FRMPD4: variants seen among roughly 807,000 people sequenced by gnomAD.
The protein encoded by FRMPD4 is FERM and PDZ domain-containing protein 4.
A neutral mutation model predicts 94.1 loss-of-function variants in FRMPD4; 22 were observed. That is an observed-to-expected ratio of 0.23 (90% CI 0.17 to 0.33). FRMPD4 has a LOEUF of 0.33. Among genes scored for constraint, FRMPD4 ranks in the 10% least tolerant of loss-of-function variants. The pLI is 1.00. For synonymous variants in FRMPD4, 631 were observed against 548.6 expected (o/e 1.15, Z -2.10); for missense variants, 1,111 against 1,339.9 (o/e 0.83, Z 2.67).
At chrX:12,281,863 TC>T (rs1379201861) in intron 1 of FRMPD4, among the ~76,000 whole-genome samples, 1 of 111,035 alleles carries the variant, frequency 9.0e-6, no homozygotes, top group African/African-American at 3.3e-5. Context: ...TCAGAGATGA[TC>T]AGTAACATTC....
At chrX:12,333,294 T>C (rs146406462) in intron 1 of FRMPD4, among the ~76,000 whole-genome samples, 2,205 of 109,475 alleles carry the variant, frequency 0.02, 26 homozygotes, top group Non-Finnish European at 0.034. Context: ...CTAAGCCACA[T>C]TGAGGATTTT....
At chrX:11,923,145 T>C (rs1431459708) in intron 3 of FRMPD4, among the ~76,000 whole-genome samples, 1 of 113,104 alleles carries the variant, frequency 8.8e-6, no homozygotes, top group African/African-American at 3.2e-5. Context: ...CTGGCATGTG[T>C]CTGCATGGGC....
intron 2 of FRMPD4, among the ~76,000 whole-genome samples, chrX:12,545,967 C>G (rs934312848): frequency 8.9e-6 from 1 of 112,268 alleles, no homozygotes; most frequent in African/African-American, 3.2e-5. Flanking sequence ...AATTGTTTCA[C>G]TTAAAACCAC....
chrX:12,227,214 G>A (rs900739771), intron 1 of FRMPD4, among the ~76,000 whole-genome samples: 10 of 111,514 alleles, frequency 9.0e-5, no homozygotes, highest in African/African-American at 2.9e-4. Context: ...GGTGATTCTG[G>A]AGGTTATGGC....
rs758818110 is a variant in FRMPD4 at position 12,387,800 on chromosome X, C to T, written c.42-110880C>T. ...AATCCTAAAATACTTTCTACCCCTT[C>T]TCTCCCCTTCCATTCTTTCTCAGGC... On this transcript the variant is annotated intron_variant, in intron 1 of 16. Transcript: ENST00000675598. 8.4e-5 allele frequency among the ~76,000 whole-genome samples: 9 copies of T among 107,211 alleles called. No individual in the cohort carries two copies. The South Asian group carries it at 3.9e-3, about 46-fold the overall frequency. 93.1% of individuals were successfully genotyped at this position (107,211 alleles called of 115,157 possible). A position where few individuals can be genotyped will look rare whatever the true frequency, so the allele number is the denominator to read the frequency against.
chrX:12,216,623 C>G (rs1258377381), intron 1 of FRMPD4, among the ~76,000 whole-genome samples: 1 of 111,656 alleles, frequency 9.0e-6, no homozygotes, highest in Non-Finnish European at 1.9e-5. Flanking sequence ...TAACTCTAGA[C>G]ATCTTCATAT....
At chrX:11,867,676 AT>A (rs1359147302) in intron 2 of FRMPD4, among the ~76,000 whole-genome samples, 3 of 111,904 alleles carry the variant, frequency 2.7e-5, no homozygotes, top group Non-Finnish European at 5.6e-5. Flanking sequence ...CCAATGGGTC[AT>A]TTTCAGTCAT....
intron 3 of FRMPD4, among the ~76,000 whole-genome samples, chrX:12,023,644 C>T (rs2054643917): frequency 8.9e-6 from 1 of 111,971 alleles, no homozygotes; most frequent in Non-Finnish European, 1.9e-5. Flanking sequence ...ACTTGAAAGG[C>T]AATGGTTGGA....
intron 3 of FRMPD4, among the ~76,000 whole-genome samples, chrX:12,084,344 A>G (rs2147488108): frequency 9.0e-6 from 1 of 111,513 alleles, no homozygotes; most frequent in African/African-American, 3.3e-5. Context: ...GCCTCCTGCC[A>G]TGATTCTGAG....
intron 4 of FRMPD4, among the ~76,000 whole-genome samples, chrX:12,661,907 T>C (rs145684045): frequency 1.9e-4 from 21 of 112,444 alleles, no homozygotes; most frequent in African/African-American, 6.1e-4. Flanking sequence ...TCCTTCATCT[T>C]TGCCAGCAAT....
rs747228265 is a variant in FRMPD4 at position 11,910,939 on chromosome X, A to C, written c.95+32921A>C. On this transcript the variant is annotated intron_variant, in intron 3 of 18. Transcript: ENST00000640291. ...AAAAGAAATGTAACCCCTGCCCACA[A>C]AAAAAAAAAAAACATCTTCCAAGAA... Among the ~76,000 whole-genome samples, 15 of 99,311 alleles carry C rather than the reference A, an allele frequency of 1.5e-4. No individual in the cohort carries two copies. In the South Asian group the frequency reaches 2.8e-3, roughly 19 times the overall value. The allele number at this position is 99,311 out of a possible 115,157, so 86.2% of individuals were successfully genotyped here.
chrX:12,023,038 A>G (rs1309764818), intron 3 of FRMPD4, among the ~76,000 whole-genome samples: 1 of 111,494 alleles, frequency 9.0e-6, no homozygotes, highest in Non-Finnish European at 1.9e-5. Flanking sequence ...AAGGTTATGG[A>G]ATTAAGAATT....
At chrX:12,427,803 C>CGCATAAGT (rs2056962503) in intron 1 of FRMPD4, among the ~76,000 whole-genome samples, 2 of 109,299 alleles carry the variant, frequency 1.8e-5, no homozygotes, top group East Asian at 5.8e-4. Flanking sequence ...TTGAAAATAA[C>CGCATAAGT]GCATAAGTCA....
intron 3 of FRMPD4, among the ~76,000 whole-genome samples, chrX:12,015,670 G>T (rs1216156166): frequency 1.8e-5 from 2 of 112,345 alleles, no homozygotes; most frequent in African/African-American, 6.5e-5. Context: ...TGACCATTAA[G>T]ATGTAGGTAA....
chrX:12,316,263 C>T (rs950722367), intron 1 of FRMPD4, among the ~76,000 whole-genome samples: 2 of 111,318 alleles, frequency 1.8e-5, no homozygotes, highest in African/African-American at 6.5e-5. Context: ...TCTCCTGCCT[C>T]AGCCTCCCGA....
chrX:12,623,971 G>A (rs2059323137), intron 4 of FRMPD4, among the ~76,000 whole-genome samples: 1 of 111,912 alleles, frequency 8.9e-6, no homozygotes, highest in African/African-American at 3.3e-5. Flanking sequence ...TTGAACCCAG[G>A]AGTTTAAGAC....
intron 14 of FRMPD4, 68 bp from the exon 15 acceptor site, chrX:12,716,001 T>TTGCCC: frequency 4.3e-6 from 1 of 231,655 alleles, no homozygotes; most frequent in Non-Finnish European, 8.2e-6. Flanking sequence ...GAGACGAGCC[T>TTGCCC]CCCACCCCCG....
chrX:12,368,386 G>C (rs1443292722), intron 1 of FRMPD4, among the ~76,000 whole-genome samples: 1 of 112,197 alleles, frequency 8.9e-6, no homozygotes, highest in African/African-American at 3.2e-5. Context: ...AAAACAACTA[G>C]TATAAATTAT....
intron 1 of FRMPD4, among the ~76,000 whole-genome samples, chrX:12,331,311 G>C (rs1349785063): frequency 1.9e-5 from 2 of 105,182 alleles, no homozygotes; most frequent in Admixed American, 1.1e-4. Context: ...TTAATCCTCA[G>C]AGTGGTATCA....
Sources: gnomAD v4.1 joint callset for allele counts (sites outside exome capture counted in the v4.1 genomes callset) on GRCh38, gnomAD v4.1.1 for gene constraint, MANE v1.5 for transcripts, NCBI Gene and HGNC (gene_info 2026-07-23, HGNC 2026-07-21) for gene names.